CPVL: variants seen among roughly 807,000 people sequenced by gnomAD.
CPVL encodes carboxypeptidase vitellogenic like.
A neutral mutation model predicts 63.7 loss-of-function variants in CPVL; 51 were observed. The ratio of observed to expected loss-of-function variants is 0.80; its 90% confidence interval spans 0.64 to 1.01. The LOEUF (loss-of-function observed/expected upper bound fraction) is 1.01, where lower values mean the gene tolerates loss of function less well. Ranked by LOEUF, CPVL falls within the 50% of genes least tolerant of loss-of-function variation. CPVL has a pLI of 0.00. For missense variants in CPVL, 530 were observed against 573.1 expected (o/e 0.92, Z 0.77); for synonymous variants, 195 against 206.0 (o/e 0.95, Z 0.46).
intron 3 of CPVL, among the ~76,000 whole-genome samples, chr7:29,111,716 A>C (rs1788252264): frequency 6.6e-6 from 1 of 152,220 alleles, no homozygotes; most frequent in African/African-American, 2.4e-5. Context: ...GCAGGAAAGA[A>C]AAGTCAAGAA....
intron 1 of CPVL, among the ~76,000 whole-genome samples, chr7:29,125,913 T>C (rs1017501348): frequency 6.6e-6 from 1 of 152,210 alleles, no homozygotes; most frequent in African/African-American, 2.4e-5. Context: ...CTGCCATGAC[T>C]CATCCGAGGA....
chr7:29,150,358 A>C (rs1209154480), upstream of CPVL, among the ~76,000 whole-genome samples: 1 of 152,236 alleles, frequency 6.6e-6, no homozygotes, highest in African/African-American at 2.4e-5. Flanking sequence ...ATAAAGGCTC[A>C]AAAAATGGCA....
intron 3 of CPVL, among the ~76,000 whole-genome samples, chr7:29,107,955 G>A (rs1394542325): frequency 1.3e-5 from 2 of 152,250 alleles, no homozygotes; most frequent in African/African-American, 4.8e-5. Context: ...CAGAGAGAAC[G>A]CCTTTTGTTT....
At chr7:29,172,047 A>T (rs540352901) in intron 5 of CPVL, among the ~76,000 whole-genome samples, 3 of 152,314 alleles carry the variant, frequency 2.0e-5, no homozygotes, top group Non-Finnish European at 4.4e-5. Flanking sequence ...ACAGCCCCCT[A>T]GTCAGCCAGA....
chr7:29,153,071 T>C (rs1013671947), intron 5 of CPVL, among the ~76,000 whole-genome samples: 3 of 152,236 alleles, frequency 2.0e-5, no homozygotes, highest in African/African-American at 7.2e-5. Context: ...CACCATGTTG[T>C]AGCACAGAAC....
At chr7:29,155,879 G>A (rs561713777) in intron 5 of CPVL, among the ~76,000 whole-genome samples, 9 of 152,240 alleles carry the variant, frequency 5.9e-5, no homozygotes, top group African/African-American at 2.2e-4. Flanking sequence ...AGACCACATC[G>A]GAGCGTCCTG....
At chr7:29,056,309 T>C (rs1396612680) in intron 11 of CPVL, among the ~76,000 whole-genome samples, 2 of 152,176 alleles carry the variant, frequency 1.3e-5, no homozygotes, top group East Asian at 3.9e-4. Flanking sequence ...CACAGAATAG[T>C]TTCATTGCCC....
intron 1 of CPVL, among the ~76,000 whole-genome samples, chr7:29,135,683 AT>A (rs769397542): frequency 9.6e-4 from 146 of 151,962 alleles, no homozygotes; most frequent in Non-Finnish European, 1.7e-3. Flanking sequence ...AGAGTTATTT[AT>A]TTATTTTTAT....
chr7:29,004,298 G>T (rs771719181), intron 12 of CPVL, among the ~76,000 whole-genome samples: 8 of 152,084 alleles, frequency 5.3e-5, no homozygotes, highest in Non-Finnish European at 1.2e-4. Flanking sequence ...CTTGTGATAC[G>T]TTCCTTCCTT....
chr7:29,139,834 A>T (rs1791663932), intron 1 of CPVL, among the ~76,000 whole-genome samples: 1 of 152,170 alleles, frequency 6.6e-6, no homozygotes, highest in African/African-American at 2.4e-5. Flanking sequence ...TTAGAAGGGG[A>T]GAAAACAAAA....
At chr7:29,078,660 T>C (rs1054545242) in intron 7 of CPVL, among the ~76,000 whole-genome samples, 1 of 122,184 alleles carries the variant, frequency 8.2e-6, no homozygotes, top group Non-Finnish European at 2.0e-5. Flanking sequence ...CTATGCTGCC[T>C]GCTCCAGCAT....
rs536494248 is a variant in CPVL, at chr7:29,023,624, G to T, written c.1320+6953C>A. On this transcript the variant is annotated intron_variant, in intron 12 of 12. Coordinates refer to ENST00000265394, the MANE Select transcript of CPVL (RefSeq NM_031311.5). Reference sequence around the variant, plus strand: ...CTGGGAACCCAAGAAACAGCATACTGGTGCCAAAGAACTGGCCCACCTGGT... The same window carrying T: ...CTGGGAACCCAAGAAACAGCATACTTGTGCCAAAGAACTGGCCCACCTGGT... 4.6e-5 allele frequency among the ~76,000 whole-genome samples: 7 copies of T among 152,252 alleles called. 1 individual carries two copies. In the South Asian group the frequency reaches 1.5e-3, roughly 32 times the overall value.
intron 11 of CPVL, among the ~76,000 whole-genome samples, chr7:29,061,370 G>A (rs2128560199): frequency 6.6e-6 from 1 of 152,030 alleles, no homozygotes; most frequent in East Asian, 1.9e-4. Context: ...CCGAGATCGT[G>A]CCACTGCATT....
intron 7 of CPVL, among the ~76,000 whole-genome samples, chr7:29,081,944 C>T (rs758447149): frequency 2.0e-5 from 3 of 152,204 alleles, no homozygotes; most frequent in Admixed American, 6.5e-5. Context: ...GAGCATCAGG[C>T]TCCTCTCATT....
In CPVL at chr7:29,175,179, C is replaced by CT. The variant is rs141269641; in HGVS notation, c.-11+6110dup. ...ATGTGATGATTTCTTTTTCTTTTTCCTTTTTTTTTTTTTGAGACGGGGCCT... is the reference window on the plus strand; with the variant it reads ...ATGTGATGATTTCTTTTTCTTTTTCCTTTTTTTTTTTTTTGAGACGGGGCCT... On this transcript the variant is annotated intron_variant, in intron 5 of 16. Coordinates refer to the CPVL transcript ENST00000409850. Among the ~76,000 whole-genome samples, 237 of 142,978 alleles carry CT rather than the reference C, an allele frequency of 1.7e-3. 3 individuals are homozygous for CT. Among genetic ancestry groups the CT allele is most frequent in the South Asian group, 0.014 (63 of 4,392 alleles). 93.8% of individuals were successfully genotyped at this position (142,978 alleles called of 152,430 possible).
At chr7:29,029,884 C>T (rs1322437772) in intron 12 of CPVL, among the ~76,000 whole-genome samples, 1 of 152,136 alleles carries the variant, frequency 6.6e-6, no homozygotes, top group African/African-American at 2.4e-5. Context: ...ACATTAAATA[C>T]ATGTATCAAA....
intron 1 of CPVL, among the ~76,000 whole-genome samples, chr7:29,134,828 G>A (rs1366669939): frequency 6.6e-6 from 1 of 152,196 alleles, no homozygotes; most frequent in Admixed American, 6.5e-5. Context: ...GGGGAGATCA[G>A]GTGGCTCATA....
Position 29,095,140 on chromosome 7 carries a change from G to A in CPVL, c.406C>T (p.Arg136Cys), listed in dbSNP as rs750931528. The A allele has an allele frequency of 3.7e-6, 6 of 1,612,990 alleles. No individual in the cohort carries two copies. Among genetic ancestry groups the A allele is most frequent in the East Asian group, 2.2e-5 (1 of 44,872 alleles). The change falls in exon 5 of 13, where the codon CGT (arginine) becomes TGT (cysteine). Residue 136 changes from arginine to cysteine, a missense_variant and splice_region_variant. Transcript: ENST00000265394. ...PYVVTSNMTL[R>C]DRDFPWTTTL... ...GTGGTCCAGGGGAAGTCTCTGTCACGCACTGTGAAAACAAAGAAGAGGGGT... is the reference window on the plus strand; with the variant it reads ...GTGGTCCAGGGGAAGTCTCTGTCACACACTGTGAAAACAAAGAAGAGGGGT...
chr7:29,059,060 T>G (rs2128557809), intron 11 of CPVL, among the ~76,000 whole-genome samples: 1 of 152,256 alleles, frequency 6.6e-6, no homozygotes, highest in Non-Finnish European at 1.5e-5. Context: ...CTTTTGTAGT[T>G]GTCCCACAGT....
Sources: allele counts gnomAD v4.1 joint callset (sites outside exome capture counted in the v4.1 genomes callset), GRCh38; gene constraint gnomAD v4.1.1; transcripts MANE v1.5; gene names NCBI Gene and HGNC (gene_info 2026-07-23, HGNC 2026-07-21).